GLI3: variants seen among roughly 807,000 people sequenced by gnomAD.
The protein encoded by GLI3 is transcription activator GLI3.
GLI3 carries 20 observed loss-of-function variants against 100.8 expected under a neutral mutation model. The observed-to-expected ratio is 0.20, with a 90% CI of 0.14 to 0.29. GLI3 has a LOEUF of 0.29. Among genes scored for constraint, GLI3 ranks in the 10% least tolerant of loss-of-function variants. The pLI, the probability that GLI3 is intolerant of heterozygous loss-of-function variation, is 1.00. For synonymous variants in GLI3, 938 were observed against 860.5 expected, an observed-to-expected ratio of 1.09 and a Z score of -1.58; for missense variants, 2,040 against 2,128.5, an observed-to-expected ratio of 0.96 and a Z score of 0.82.
At chr7:42,222,849 T>C in intron 2 of GLI3, 1 of 397,468 alleles carries the variant, frequency 2.5e-6, no homozygotes, top group Non-Finnish European at 4.8e-6. Flanking sequence ...CTAGTCAAGA[T>C]GATTTCCAAA....
At chr7:42,064,238 A>G (rs1281776914) in intron 4 of GLI3, among the ~76,000 whole-genome samples, 3 of 152,360 alleles carry the variant, frequency 2.0e-5, no homozygotes, top group African/African-American at 7.2e-5. Context: ...CAGGGCCACA[A>G]TATTTTCATG....
Position 41,965,207 on chromosome 7 carries a change from C to G in GLI3, c.3866G>C (p.Ser1289Thr), listed in dbSNP as rs772658766. The G allele has an allele frequency of 1.2e-6, 2 of 1,613,830 alleles. No homozygotes were observed. The highest frequency in any genetic ancestry group is 3.3e-5 in the Admixed American group (2 of 60,016). Residue 1289 changes from serine (S) to threonine (T), a missense_variant, in exon 15 of 15, where the codon AGC becomes ACC. By Grantham distance (58) the Ser-to-Thr change is moderately conservative (BLOSUM62 1). This residue lies in a region of GLI3 where 1,041 missense variants were observed against 924.0 expected (regional missense o/e 1.13). Coordinates refer to ENST00000395925, the MANE Select transcript of GLI3 (RefSeq NM_000168.6). ...CAGGCCGAAATTCAGCTGGCCCCCG[C>G]TCCCTTGCATGGGGGTGCTCTTCAG... Reference protein sequence around the residue: ...SKLKSTPMQGSGGQLNFGLPV... With the variant: ...SKLKSTPMQGTGGQLNFGLPV...
chr7:41,971,320 C>G (rs1395058537), intron 13 of GLI3, among the ~76,000 whole-genome samples: 1 of 152,314 alleles, frequency 6.6e-6, no homozygotes, highest in East Asian at 1.9e-4. Context: ...TGAAACTTCT[C>G]TCTGGTACAC....
At chr7:42,117,305 G>A (rs1447279434) in intron 3 of GLI3, among the ~76,000 whole-genome samples, 1 of 152,142 alleles carries the variant, frequency 6.6e-6, no homozygotes, top group Non-Finnish European at 1.5e-5. Flanking sequence ...TTTGAGCAAC[G>A]TTTTCATTCG....
chr7:42,170,338 GT>G (rs1484204256), intron 2 of GLI3, among the ~76,000 whole-genome samples: 1 of 141,296 alleles, frequency 7.1e-6, no homozygotes, highest in Non-Finnish European at 1.5e-5. Flanking sequence ...AAATAAATGT[GT>G]TTTTATCAGG....
At chr7:42,243,478 A>G (rs1370758484) in intron 1 of GLI3, among the ~76,000 whole-genome samples, 1 of 152,106 alleles carries the variant, frequency 6.6e-6, no homozygotes, top group African/African-American at 2.4e-5. Context: ...ATAAAAGAGA[A>G]CAGGCCTGGA....
At chr7:42,242,870 A>G (rs931451920), upstream of GLI3, among the ~76,000 whole-genome samples, 1 of 152,182 alleles carries the variant, frequency 6.6e-6, no homozygotes, top group Non-Finnish European at 1.5e-5. Flanking sequence ...TTTTGTTACA[A>G]AAGAGATGGA....
At chr7:41,974,195 G>C (rs1787441329) in intron 12 of GLI3, among the ~76,000 whole-genome samples, 1 of 152,166 alleles carries the variant, frequency 6.6e-6, no homozygotes, top group African/African-American at 2.4e-5. Flanking sequence ...TTAGAACCAA[G>C]GACGCAGCCA....
chr7:42,206,745 AG>A (rs1320848832), intron 2 of GLI3, among the ~76,000 whole-genome samples: 1 of 152,226 alleles, frequency 6.6e-6, no homozygotes, highest in African/African-American at 2.4e-5. Flanking sequence ...AAGAATAGAC[AG>A]GTTGATCATA....
intron 2 of GLI3, among the ~76,000 whole-genome samples, chr7:42,203,913 C>T (rs140532035): frequency 3.3e-5 from 5 of 152,036 alleles, no homozygotes; most frequent in Non-Finnish European, 7.4e-5. Flanking sequence ...GCAGGAGAAT[C>T]GCTTGAACCC....
chr7:42,127,898 G>A (rs533622321), intron 3 of GLI3, among the ~76,000 whole-genome samples: 1 of 151,938 alleles, frequency 6.6e-6, no homozygotes, highest in East Asian at 1.9e-4. Context: ...TGTGGTCCCA[G>A]CTACTCAGGA....
intron 10 of GLI3, among the ~76,000 whole-genome samples, chr7:41,995,650 C>A (rs951763038): frequency 1.5e-4 from 23 of 151,884 alleles, no homozygotes; most frequent in African/African-American, 4.8e-4. Context: ...TCAAAGGCCT[C>A]GACAGAAGAG....
chr7:41,972,883 G>GC lies in GLI3; in HGVS notation c.1813-257dup, dbSNP rs768507950. On this transcript the variant is annotated intron_variant, in intron 12 of 14. Transcript: ENST00000395925. The surrounding 1 kb of genome is among the most constrained non-coding windows in gnomAD (Gnocchi z 4.4). ...AGGGAGAACTAAGAATGTGTAAATT[G>GC]CCTTGATGTTCTTGGAAGCATTTAC... is the stretch of plus-strand genomic sequence containing the variant. Among the ~76,000 whole-genome samples the GC allele has an allele frequency of 7.2e-5, 11 of 152,118 alleles. No homozygotes were observed. The highest frequency in any genetic ancestry group is 1.3e-4 in the Non-Finnish European group (9 of 68,024).
At chr7:42,189,389 T>C (rs1314851596) in intron 2 of GLI3, among the ~76,000 whole-genome samples, 1 of 152,170 alleles carries the variant, frequency 6.6e-6, no homozygotes, top group African/African-American at 2.4e-5. Context: ...AAACAGATAT[T>C]AAACCACTAA....
chr7:42,134,807 C>A (rs1786386685), intron 3 of GLI3, among the ~76,000 whole-genome samples: 1 of 152,062 alleles, frequency 6.6e-6, no homozygotes, highest in Non-Finnish European at 1.5e-5. Flanking sequence ...TTCAGGGGAG[C>A]ATTTCAGATT....
intron 2 of GLI3, among the ~76,000 whole-genome samples, chr7:42,200,176 T>C (rs926701225): frequency 1.3e-5 from 2 of 152,224 alleles, no homozygotes; most frequent in Admixed American, 1.3e-4. Flanking sequence ...CCTTCCGTCA[T>C]GGAGGTCACG....
intron 2 of GLI3, among the ~76,000 whole-genome samples, chr7:42,214,701 T>C (rs912749282): frequency 1.1e-4 from 16 of 151,710 alleles, no homozygotes; most frequent in African/African-American, 3.6e-4. Flanking sequence ...CTATTTTCCC[T>C]TTAGGTTATA....
intron 1 of GLI3, among the ~76,000 whole-genome samples, chr7:42,262,089 A>T (rs1449129915): frequency 2.2e-3 from 207 of 92,936 alleles, no homozygotes; most frequent in African/African-American, 2.8e-3. Context: ...TCTTTTTCTC[A>T]CTCTCTCAGC....
At chr7:42,042,137 C>T (rs774807643) in intron 6 of GLI3, among the ~76,000 whole-genome samples, 20 of 151,864 alleles carry the variant, frequency 1.3e-4, no homozygotes, top group African/African-American at 4.4e-4. Context: ...CTTAGCCTCC[C>T]GAGTAGCTGG....
Sources: allele counts gnomAD v4.1 joint callset (sites outside exome capture counted in the v4.1 genomes callset), GRCh38; gene constraint gnomAD v4.1.1; regional missense constraint gnomAD v4.1.1; non-coding constraint Gnocchi (gnomAD v3.1); transcripts MANE v1.5; gene names NCBI Gene and HGNC (gene_info 2026-07-23, HGNC 2026-07-21).